GLRA3: variants seen among roughly 807,000 people sequenced by gnomAD.
GLRA3 encodes glycine receptor alpha 3, also known as glycine receptor subunit alpha-3.
In GLRA3, 44 loss-of-function variants were observed where a neutral mutation model predicts 60.4. That is an observed-to-expected ratio of 0.73 (90% CI 0.57 to 0.94). The LOEUF is 0.94. Among genes scored for constraint, GLRA3 ranks in the 40% least tolerant of loss-of-function variants. GLRA3 has a pLI of 0.00. For synonymous variants in GLRA3, 223 were observed against 192.9 expected, an observed-to-expected ratio of 1.16 and a Z score of -1.29; for missense variants, 508 against 564.6, an observed-to-expected ratio of 0.90 and a Z score of 1.02.
At chr4:174,692,034 C>T (rs1734844338) in intron 5 of GLRA3, among the ~76,000 whole-genome samples, 1 of 151,848 alleles carries the variant, frequency 6.6e-6, no homozygotes, top group African/African-American at 2.4e-5. Context: ...AGCGCCTCTA[C>T]CCGGCCACCA....
chr4:174,696,300 A>T (rs1252588952), intron 5 of GLRA3, among the ~76,000 whole-genome samples: 1 of 151,726 alleles, frequency 6.6e-6, no homozygotes. Context: ...CAAGTTCTGG[A>T]TTAAAGTAAA....
chr4:174,704,597 T>C (rs1043182088), intron 5 of GLRA3, among the ~76,000 whole-genome samples: 1 of 143,852 alleles, frequency 7.0e-6, no homozygotes, highest in Non-Finnish European at 1.5e-5. Flanking sequence ...CCTCTGGATA[T>C]ATGTCCAAAA....
At chr4:174,728,825 G>A (rs993325468) in intron 3 of GLRA3, 127 bp from the exon 4 acceptor site, 2 of 600,594 alleles carry the variant, frequency 3.3e-6, no homozygotes, top group Admixed American at 3.1e-5. Context: ...TGGGGACGGG[G>A]TGTATAGTTA....
intron 1 of GLRA3, among the ~76,000 whole-genome samples, chr4:174,822,374 A>G (rs6840133): frequency 0.34 from 52,245 of 152,052 alleles, 9,283 homozygotes; most frequent in Non-Finnish European, 0.37. Flanking sequence ...GAAGGTCATC[A>G]TAAGTGGAGA....
intron 5 of GLRA3, among the ~76,000 whole-genome samples, chr4:174,713,295 A>C (rs891872760): frequency 7.2e-5 from 11 of 152,144 alleles, no homozygotes; most frequent in Non-Finnish European, 1.3e-4. Context: ...TGTTCTGAGA[A>C]AGGCAGACAC....
rs1408179730 is a variant in GLRA3, at chr4:174,639,482, C to G, written c.*4304G>C. ...AGATGTAAAATGTAGACCAAAAAAA[C>G]AGGTAAGTGGGTCCTAGCTACTAAC... On this transcript the variant is annotated 3_prime_UTR_variant, in exon 10 of 10. Coordinates refer to ENST00000274093, the MANE Select transcript of GLRA3 (RefSeq NM_006529.4). The G allele has an allele frequency of 6.6e-6, 1 of 151,326 alleles. No individual in the cohort carries two copies. Among genetic ancestry groups the G allele is most frequent in the Non-Finnish European group, 1.5e-5 (1 of 67,848 alleles). 9.4% of individuals were successfully genotyped at this position (151,326 alleles called of 1,614,324 possible).
intron 2 of GLRA3, among the ~76,000 whole-genome samples, chr4:174,785,797 T>A (rs1032829668): frequency 3.3e-5 from 5 of 152,092 alleles, no homozygotes; most frequent in African/African-American, 1.2e-4. Context: ...AGAGATAGAG[T>A]CTTACTGTGT....
chr4:174,778,623 C>T (rs919615156), intron 2 of GLRA3, among the ~76,000 whole-genome samples: 19 of 152,284 alleles, frequency 1.2e-4, no homozygotes, highest in African/African-American at 4.1e-4. Flanking sequence ...GTGCACGCAC[C>T]GTGCGCGAGC....
At chr4:174,663,967 G>C (rs1338556934) in intron 7 of GLRA3, among the ~76,000 whole-genome samples, 1 of 152,150 alleles carries the variant, frequency 6.6e-6, no homozygotes, top group Non-Finnish European at 1.5e-5. Context: ...CAGTGTCTAT[G>C]GAAATAAAAT....
At chr4:174,666,756 ATATTAT>A (rs1733687174) in intron 7 of GLRA3, among the ~76,000 whole-genome samples, 1 of 46,978 alleles carries the variant, frequency 2.1e-5, no homozygotes, top group East Asian at 8.6e-4. Flanking sequence ...ATATATATAT[ATATTAT>A]ATATATATAT....
At chr4:174,788,998 G>A in intron 1 of GLRA3, 55 bp from the exon 2 acceptor site, 9 of 1,139,796 alleles carry the variant, frequency 7.9e-6, no homozygotes, top group Non-Finnish European at 1.1e-5. Context: ...TCTAATAATT[G>A]TTACCTACAA....
Position 174,788,199 on chromosome 4 carries a change from G to C in GLRA3, c.199+617C>G, listed in dbSNP as rs1579608943. On this transcript the variant is annotated intron_variant, in intron 2 of 9. Transcript: ENST00000274093. ...CAGGATATATTGTGGTTCTGGATAA[G>C]TTACATATCCTTATATAAACATGTT... Among the ~76,000 whole-genome samples, 6 of 152,004 alleles carry C rather than the reference G, an allele frequency of 3.9e-5. No individual in the cohort carries two copies. In the South Asian group the frequency reaches 1.2e-3, roughly 31 times the overall value.
At chr4:174,660,243 C>A (rs1579401833) in intron 7 of GLRA3, among the ~76,000 whole-genome samples, 1 of 152,108 alleles carries the variant, frequency 6.6e-6, no homozygotes, top group African/African-American at 2.4e-5. Flanking sequence ...ATTTAAAAAA[C>A]AGACTTTTTT....
chr4:174,675,249 G>GT (rs918496631), intron 7 of GLRA3, among the ~76,000 whole-genome samples: 6 of 152,032 alleles, frequency 3.9e-5, no homozygotes, highest in African/African-American at 1.4e-4. Context: ...TATTTCTTCT[G>GT]TAAGTTCTTG....
At chr4:174,646,731 G>C (rs1334336224) in intron 9 of GLRA3, among the ~76,000 whole-genome samples, 2 of 152,216 alleles carry the variant, frequency 1.3e-5, no homozygotes, top group African/African-American at 4.8e-5. Flanking sequence ...GATGCTGGAG[G>C]TCTGATGGGT....
At chr4:174,707,152 A>AT (rs1735548468) in intron 5 of GLRA3, among the ~76,000 whole-genome samples, 2 of 152,074 alleles carry the variant, frequency 1.3e-5, no homozygotes, top group South Asian at 4.1e-4. Flanking sequence ...GCAATTGTTG[A>AT]TTTTTTTCAG....
chr4:174,734,023 T>A (rs1367732229), intron 3 of GLRA3, among the ~76,000 whole-genome samples: 1 of 152,192 alleles, frequency 6.6e-6, no homozygotes. Flanking sequence ...GACTTTCTTT[T>A]TTTTTTGGCC....
At chr4:174,743,954 A>G (rs28575210) in intron 3 of GLRA3, among the ~76,000 whole-genome samples, 24,031 of 152,072 alleles carry the variant, frequency 0.16, 2,486 homozygotes, top group African/African-American at 0.3. Context: ...TGCTGCTGCC[A>G]TTGTAGGCTG....
chr4:174,779,410 T>C (rs1345297086), intron 2 of GLRA3, among the ~76,000 whole-genome samples: 1 of 152,096 alleles, frequency 6.6e-6, no homozygotes, highest in Admixed American at 6.5e-5. Context: ...AGAGTGACTC[T>C]CCTCTTCCAA....
Sources: gnomAD v4.1 joint callset for allele counts (sites outside exome capture counted in the v4.1 genomes callset) on GRCh38, gnomAD v4.1.1 for gene constraint, MANE v1.5 for transcripts, NCBI Gene and HGNC (gene_info 2026-07-23, HGNC 2026-07-21) for gene names.